Variants in RAPGEF2 observed in about 807,000 individuals in gnomAD.
The protein encoded by RAPGEF2 is PDZ domain containing guanine nucleotide exchange factor (GEF) 1.
RAPGEF2 carries 54 observed loss-of-function variants against 186.7 expected under a neutral mutation model. That is an observed-to-expected ratio of 0.29 (90% CI 0.23 to 0.36). The LOEUF (loss-of-function observed/expected upper bound fraction) is 0.36, where lower values mean the gene tolerates loss of function less well. Among genes scored for constraint, RAPGEF2 ranks in the 10% least tolerant of loss-of-function variants. The probability of loss-of-function intolerance (pLI) is 1.00; values close to 1 mark genes in which losing one functional copy is unlikely to be tolerated. For missense variants in RAPGEF2, 1,532 were observed against 2,045.0 expected, an observed-to-expected ratio of 0.75 and a Z score of 4.84; for synonymous variants, 712 against 705.9, an observed-to-expected ratio of 1.01 and a Z score of -0.14.
At chr4:159,331,150 T>G (rs910132106) in intron 13 of RAPGEF2, among the ~76,000 whole-genome samples, 8 of 152,242 alleles carry the variant, frequency 5.3e-5, no homozygotes, top group African/African-American at 1.9e-4. Context: ...GCTTTTATTT[T>G]GATCTGTTTC....
intron 3 of RAPGEF2, among the ~76,000 whole-genome samples, chr4:159,209,898 C>T (rs1294401491): frequency 1.3e-5 from 2 of 152,182 alleles, no homozygotes; most frequent in South Asian, 2.1e-4. Context: ...AAATATGGCA[C>T]ATCCATACAT....
intron 1 of RAPGEF2, among the ~76,000 whole-genome samples, chr4:159,120,506 CTA>C (rs1046377705): frequency 1.1e-4 from 16 of 152,220 alleles, no homozygotes; most frequent in Non-Finnish European, 1.8e-4. Flanking sequence ...GCATTGTGTC[CTA>C]TCTTAGGACA....
chr4:159,353,618 G>A lies in RAPGEF2; in HGVS notation c.4223G>A (p.Gly1408Glu), dbSNP rs1379622941. 6.3e-7 allele frequency: 1 copy of A among 1,597,340 alleles called. No individual in the cohort carries two copies. The highest frequency in any genetic ancestry group is 1.8e-5 in the Admixed American group (1 of 56,798). The change falls in exon 28 of 30, where the codon GGG becomes GAG. Residue 1408 changes from glycine to glutamate, a missense_variant. By Grantham distance (98) the Gly-to-Glu change is moderately conservative. This residue lies in a region of RAPGEF2 where 594 missense variants were observed against 608.5 expected (regional missense o/e 0.98). Transcript: ENST00000691494. The surrounding 1 kb of genome is among the most constrained non-coding windows in gnomAD (Gnocchi z 4.3). ...CTTGATGCTGCTGACAGTGGCCGTG[G>A]GAGCTGGACGTCATGCTCAAGTGGC... Reference protein sequence around the residue: ...ASLDAADSGRGSWTSCSSGSH... With the variant: ...ASLDAADSGRESWTSCSSGSH...
chr4:159,164,041 G>T (rs2111227235), intron 1 of RAPGEF2, among the ~76,000 whole-genome samples: 1 of 150,582 alleles, frequency 6.6e-6, no homozygotes, highest in South Asian at 2.1e-4. Context: ...GTCTCGCCGT[G>T]TCCCCCAGGC....
At chr4:159,156,388 GT>G (rs1744121340) in intron 1 of RAPGEF2, among the ~76,000 whole-genome samples, 2 of 151,622 alleles carry the variant, frequency 1.3e-5, no homozygotes, top group Non-Finnish European at 2.9e-5. Context: ...AAGAATCTCT[GT>G]TTAATCCCTA....
intron 7 of RAPGEF2, among the ~76,000 whole-genome samples, chr4:159,271,117 TA>T (rs928341354): frequency 1.4e-4 from 21 of 152,198 alleles, no homozygotes; most frequent in Admixed American, 1.3e-3. Flanking sequence ...TTGTTAGCAT[TA>T]AAAGTCTCTT....
chr4:159,199,221 A>C (rs1213429880), intron 3 of RAPGEF2, among the ~76,000 whole-genome samples: 1 of 152,170 alleles, frequency 6.6e-6, no homozygotes, highest in Admixed American at 6.5e-5. Context: ...CCATGCCCAC[A>C]CAGATACTTA....
At chr4:159,121,867 A>G (rs1229312633) in intron 1 of RAPGEF2, among the ~76,000 whole-genome samples, 1 of 140,540 alleles carries the variant, frequency 7.1e-6, no homozygotes, top group Non-Finnish European at 1.5e-5. Flanking sequence ...CATCTCTACT[A>G]AAAATACAAA....
chr4:159,220,196 A>G (rs567017986), intron 4 of RAPGEF2, among the ~76,000 whole-genome samples: 2 of 152,320 alleles, frequency 1.3e-5, no homozygotes, highest in African/African-American at 4.8e-5. Context: ...TGTGAAGTAG[A>G]GCAGGGTGGT....
At chr4:159,125,960 T>C (rs1740255085) in intron 1 of RAPGEF2, among the ~76,000 whole-genome samples, 1 of 152,170 alleles carries the variant, frequency 6.6e-6, no homozygotes, top group South Asian at 2.1e-4. Flanking sequence ...GCCAGTGATG[T>C]TAAGTATAAC....
intron 1 of RAPGEF2, among the ~76,000 whole-genome samples, chr4:159,147,430 A>C (rs1251645112): frequency 1.3e-5 from 2 of 152,026 alleles, no homozygotes; most frequent in African/African-American, 4.8e-5. Context: ...AGTAATACCC[A>C]GTTTTCCTAG....
intron 29 of RAPGEF2, 55 bp from the exon 30 acceptor site, chr4:159,358,059 C>G (rs967569937): frequency 1.3e-6 from 2 of 1,562,768 alleles, no homozygotes; most frequent in Admixed American, 3.4e-5. Flanking sequence ...CTCTATAGCA[C>G]AAGAAATTAC....
intron 7 of RAPGEF2, among the ~76,000 whole-genome samples, chr4:159,290,328 G>A (rs1761037316): frequency 1.3e-5 from 2 of 152,164 alleles, no homozygotes; most frequent in African/African-American, 4.8e-5. Context: ...AAGTATTCCT[G>A]CTTTTGTGTA....
chr4:159,243,190 A>G (rs1377336853), intron 6 of RAPGEF2, among the ~76,000 whole-genome samples: 3 of 151,618 alleles, frequency 2.0e-5, no homozygotes, highest in Admixed American at 6.6e-5. Flanking sequence ...CAATAGTAGG[A>G]TGAAAAAATT....
intron 7 of RAPGEF2, among the ~76,000 whole-genome samples, chr4:159,253,706 T>C (rs559811578): frequency 1.5e-4 from 23 of 152,280 alleles, no homozygotes; most frequent in Admixed American, 3.9e-4. Context: ...CGGTGGCTCA[T>C]GCCTGCAATC....
At chr4:159,162,070 AT>A (rs906749073) in intron 1 of RAPGEF2, among the ~76,000 whole-genome samples, 30 of 152,088 alleles carry the variant, frequency 2.0e-4, no homozygotes, top group African/African-American at 7.0e-4. Flanking sequence ...TCTCTAACAT[AT>A]TTTTAAGTGT....
At chr4:159,168,832 G>T in intron 1 of RAPGEF2, among the ~76,000 whole-genome samples, 1 of 152,120 alleles carries the variant, frequency 6.6e-6, no homozygotes, top group East Asian at 1.9e-4. Context: ...AGGATCAAAG[G>T]CTAGAAGAGA....
intron 3 of RAPGEF2, among the ~76,000 whole-genome samples, chr4:159,197,808 C>T (rs541342520): frequency 4.1e-4 from 63 of 152,202 alleles, no homozygotes; most frequent in Middle Eastern, 3.2e-3. Flanking sequence ...CTCCTCTAGG[C>T]AACTCTGCCT....
chr4:159,245,390 A>G (rs956151943), intron 7 of RAPGEF2, among the ~76,000 whole-genome samples: 4 of 152,158 alleles, frequency 2.6e-5, no homozygotes, highest in Non-Finnish European at 5.9e-5. Flanking sequence ...CTAAAAAATA[A>G]GATTTAGCAT....
Sources: allele counts gnomAD v4.1 joint callset (sites outside exome capture counted in the v4.1 genomes callset), GRCh38; gene constraint gnomAD v4.1.1; regional missense constraint gnomAD v4.1.1; non-coding constraint Gnocchi (gnomAD v3.1); transcripts MANE v1.5; gene names NCBI Gene and HGNC (gene_info 2026-07-23, HGNC 2026-07-21).